Variants in ABLIM1 observed in about 807,000 individuals in gnomAD.
ABLIM1 encodes actin binding LIM protein 1.
In ABLIM1, 40 loss-of-function variants were observed where a neutral mutation model predicts 107.0. The ratio of observed to expected loss-of-function variants is 0.37; its 90% confidence interval spans 0.29 to 0.49. ABLIM1 has a LOEUF of 0.49. ABLIM1 is among the 20% of genes least tolerant of loss of function. The pLI is 0.97. For synonymous variants in ABLIM1, 357 were observed against 357.3 expected (o/e 1.00, Z 0.01); for missense variants, 857 against 1,008.5 (o/e 0.85, Z 2.04).
At chr10:114,457,564 C>G (rs909090245) in intron 12 of ABLIM1, among the ~76,000 whole-genome samples, 2 of 152,296 alleles carry the variant, frequency 1.3e-5, no homozygotes, top group East Asian at 3.9e-4. Context: ...AGATACTGCA[C>G]CTGGCCAATA....
chr10:114,510,953 A>G (rs2136003370), intron 6 of ABLIM1, among the ~76,000 whole-genome samples: 1 of 151,926 alleles, frequency 6.6e-6, no homozygotes, highest in East Asian at 1.9e-4. Flanking sequence ...GCCCTGCCAC[A>G]GGGTCTTTTC....
intron 1 of ABLIM1, among the ~76,000 whole-genome samples, chr10:114,740,103 G>C: frequency 6.6e-6 from 1 of 152,114 alleles, no homozygotes; most frequent in East Asian, 1.9e-4. Flanking sequence ...TTCGCCAGAA[G>C]TATCTAAGAG....
At chr10:114,500,683 GA>G (rs71007473) in intron 6 of ABLIM1, among the ~76,000 whole-genome samples, 5,026 of 52,554 alleles carry the variant, frequency 0.096, 355 homozygotes, top group African/African-American at 0.25. Context: ...TGTGTCGAAA[GA>G]AAAAAAAAAA....
chr10:114,548,975 A>G (rs2067701281), intron 4 of ABLIM1, among the ~76,000 whole-genome samples: 1 of 152,240 alleles, frequency 6.6e-6, no homozygotes, highest in African/African-American at 2.4e-5. Context: ...CTTCTAGCCC[A>G]ACTTTAATTC....
At chr10:114,520,912 G>C (rs780553676) in intron 6 of ABLIM1, among the ~76,000 whole-genome samples, 49 of 152,112 alleles carry the variant, frequency 3.2e-4, no homozygotes, top group Admixed American at 4.6e-4. Context: ...GGAGTTTGAG[G>C]CTGCAGTAAG....
At chr10:114,533,549 C>T (rs563054208) in intron 6 of ABLIM1, among the ~76,000 whole-genome samples, 2 of 152,314 alleles carry the variant, frequency 1.3e-5, no homozygotes, top group East Asian at 3.9e-4. Flanking sequence ...TCCTTAAGAA[C>T]CAAAGTTGAC....
intron 1 of ABLIM1, among the ~76,000 whole-genome samples, chr10:114,628,535 T>TA (rs1330383242): frequency 6.6e-6 from 1 of 152,238 alleles, no homozygotes; most frequent in African/African-American, 2.4e-5. Context: ...TCCTTCCACT[T>TA]AGACACTGGA....
At chr10:114,588,054 T>G (rs2074388904) in intron 2 of ABLIM1, among the ~76,000 whole-genome samples, 1 of 152,200 alleles carries the variant, frequency 6.6e-6, no homozygotes, top group African/African-American at 2.4e-5. Flanking sequence ...TATAACTTGA[T>G]TATGTATAAC....
chr10:114,646,691 G>A (rs1360194558), intron 1 of ABLIM1, among the ~76,000 whole-genome samples: 1 of 152,200 alleles, frequency 6.6e-6, no homozygotes, highest in Non-Finnish European at 1.5e-5. Context: ...ACTACAGGAG[G>A]AGTTACAGGA....
chr10:114,523,547 G>T (rs1302107400), intron 6 of ABLIM1, among the ~76,000 whole-genome samples: 1 of 151,142 alleles, frequency 6.6e-6, no homozygotes. Flanking sequence ...AACCTGTGGG[G>T]TTTATAATAA....
upstream of ABLIM1, among the ~76,000 whole-genome samples, chr10:114,772,931 T>A (rs1287497700): frequency 1.3e-5 from 2 of 151,986 alleles, no homozygotes; most frequent in African/African-American, 4.8e-5. Context: ...AACTATCAAC[T>A]ATAGAAATTT....
At position 114,610,348 on chromosome 10, in the gene ABLIM1, C is replaced by T. The variant is rs1021985814; in HGVS notation, c.245-8387G>A. Among the ~76,000 whole-genome samples the T allele has an allele frequency of 1.7e-4, 26 of 152,106 alleles. 1 individual carries two copies. Among genetic ancestry groups the T allele is most frequent in the Admixed American group, 1.6e-3 (25 of 15,274 alleles). On this transcript the variant is annotated intron_variant, in intron 1 of 22. Transcript: ENST00000533213. ...TTGAGACTGGTCTGGATTTGCAATC[C>T]TAAGATGCTCCTCTGTATGGTAAGG...
At chr10:114,704,331 T>TATATATATAG (rs2081374528) in intron 1 of ABLIM1, among the ~76,000 whole-genome samples, 1 of 87,578 alleles carries the variant, frequency 1.1e-5, no homozygotes, top group Admixed American at 1.1e-4. Context: ...TATATATATA[T>TATATATATAG]ATATTGCGCG....
intron 1 of ABLIM1, among the ~76,000 whole-genome samples, chr10:114,727,798 T>C (rs565356285): frequency 4.6e-5 from 7 of 152,192 alleles, no homozygotes; most frequent in Non-Finnish European, 8.8e-5. Flanking sequence ...CTACAAAAAA[T>C]ACAAAAGTTA....
chr10:114,644,304 A>ATACAT (rs1212376695), intron 1 of ABLIM1, among the ~76,000 whole-genome samples: 4 of 57,100 alleles, frequency 7.0e-5, no homozygotes, highest in Non-Finnish European at 1.0e-4. Flanking sequence ...AAAAAAAAAA[A>ATACAT]AAATATATAT....
chr10:114,750,603 A>G (rs919061970), intron 1 of ABLIM1, among the ~76,000 whole-genome samples: 4 of 152,232 alleles, frequency 2.6e-5, no homozygotes, highest in Non-Finnish European at 5.9e-5. Context: ...ACATATGACA[A>G]CAATTCCCTA....
chr10:114,765,172 G>T (rs963219696), intron 1 of ABLIM1, among the ~76,000 whole-genome samples: 1 of 151,726 alleles, frequency 6.6e-6, no homozygotes, highest in Non-Finnish European at 1.5e-5. Flanking sequence ...TCAGTCTCTC[G>T]AGTAGCTGGG....
intron 1 of ABLIM1, among the ~76,000 whole-genome samples, chr10:114,671,379 G>T (rs2080247006): frequency 6.6e-6 from 1 of 152,126 alleles, no homozygotes; most frequent in African/African-American, 2.4e-5. Context: ...GGGCTATTCT[G>T]GATAAAGCTG....
chr10:114,617,036 G>A (rs941237203), intron 1 of ABLIM1, among the ~76,000 whole-genome samples: 7 of 152,152 alleles, frequency 4.6e-5, no homozygotes, highest in African/African-American at 9.7e-5. Context: ...TTATAAACAC[G>A]ACTTACTTTT....
Sources: gnomAD v4.1 joint callset for allele counts (sites outside exome capture counted in the v4.1 genomes callset) on GRCh38, gnomAD v4.1.1 for gene constraint, MANE v1.5 for transcripts, NCBI Gene and HGNC (gene_info 2026-07-23, HGNC 2026-07-21) for gene names.